IL21R: variants seen among roughly 807,000 people sequenced by gnomAD.
The protein encoded by IL21R is interleukin-21 receptor.
Under a neutral mutation model 41.3 loss-of-function variants are expected in IL21R, and 14 were observed. The observed-to-expected ratio is 0.34, with a 90% confidence interval of 0.22 to 0.53. The LOEUF (loss-of-function observed/expected upper bound fraction) is 0.53, where lower values mean the gene tolerates loss of function less well. Among genes scored for constraint, IL21R ranks in the 20% least tolerant of loss-of-function variants. IL21R has a pLI of 0.94. For synonymous variants in IL21R, 286 were observed against 287.6 expected, an observed-to-expected ratio of 0.99 and a Z score of 0.05; for missense variants, 588 against 681.6, an observed-to-expected ratio of 0.86 and a Z score of 1.53.
intron 4 of IL21R, among the ~76,000 whole-genome samples, chr16:27,441,439 G>A (rs1012937481): frequency 5.9e-5 from 9 of 152,234 alleles, no homozygotes; most frequent in African/African-American, 1.9e-4. Context: ...TCAGAGCTCG[G>A]CTCTTGCACT....
intron 1 of IL21R, among the ~76,000 whole-genome samples, chr16:27,405,238 G>A (rs1283442702): frequency 6.6e-6 from 1 of 151,978 alleles, no homozygotes. Flanking sequence ...TCACCATGTT[G>A]GCCAGGCTGG....
intron 1 of IL21R, among the ~76,000 whole-genome samples, chr16:27,426,325 T>C (rs992804166): frequency 1.2e-4 from 18 of 152,244 alleles, no homozygotes; most frequent in Non-Finnish European, 2.5e-4. Flanking sequence ...TTTTGAGACA[T>C]GTTTATTGGA....
intron 1 of IL21R, among the ~76,000 whole-genome samples, chr16:27,403,454 G>A (rs528673148): frequency 6.6e-6 from 1 of 152,180 alleles, no homozygotes; most frequent in African/African-American, 2.4e-5. Context: ...GTGATTCCCT[G>A]GGGGGAGAGT....
Position 27,450,256 on chromosome 16 carries a change from G to C in IL21R, c.*973G>C, listed in dbSNP as rs996300086. ...ACCAAGATTTCTTTTTCTAACTTCT[G>C]CTACTAAGTTTTTAAAAATTCCCTT... On this transcript the variant is annotated 3_prime_UTR_variant, in exon 9 of 9. Coordinates refer to ENST00000337929, the MANE Select transcript of IL21R (RefSeq NM_181078.3). The C allele has an allele frequency of 2.6e-5, 6 of 232,484 alleles. No homozygotes were observed. Among genetic ancestry groups the C allele is most frequent in the Admixed American group, 1.1e-4 (2 of 17,756 alleles). 14.4% of individuals were successfully genotyped at this position (232,484 alleles called of 1,614,324 possible). A position where few individuals can be genotyped will look rare whatever the true frequency, so the allele number is the denominator to read the frequency against.
intron 1 of IL21R, among the ~76,000 whole-genome samples, chr16:27,422,613 G>C (rs1173676350): frequency 6.6e-6 from 1 of 152,040 alleles, no homozygotes; most frequent in East Asian, 1.9e-4. Flanking sequence ...ATATTTTTCA[G>C]TTCCAGGATT....
intron 4 of IL21R, among the ~76,000 whole-genome samples, chr16:27,439,715 C>T (rs1313278947): frequency 1.3e-5 from 2 of 152,164 alleles, no homozygotes; most frequent in Admixed American, 6.5e-5. Flanking sequence ...TGTCTTGCAG[C>T]GTGAATCCAA....
At chr16:27,431,456 G>A (rs1462212284) in intron 2 of IL21R, among the ~76,000 whole-genome samples, 1 of 152,172 alleles carries the variant, frequency 6.6e-6, no homozygotes, top group East Asian at 1.9e-4. Flanking sequence ...CAGGTGCATG[G>A]CCACACTACC....
At chr16:27,408,608 TAGG>T (rs1277986944) in intron 1 of IL21R, among the ~76,000 whole-genome samples, 1 of 152,158 alleles carries the variant, frequency 6.6e-6, no homozygotes, top group Non-Finnish European at 1.5e-5. Flanking sequence ...TGGATAACTT[TAGG>T]AGTTCTTTCT....
chr16:27,435,416 C>T (rs146059391), intron 3 of IL21R, among the ~76,000 whole-genome samples: 77 of 152,152 alleles, frequency 5.1e-4, no homozygotes, highest in African/African-American at 1.8e-3. Flanking sequence ...ACAAAACAAC[C>T]AACAAGGTGC....
At position 27,449,072 on chromosome 16, in the gene IL21R, C is replaced by T. The variant is rs1462517832; in HGVS notation, c.1406C>T (p.Ser469Leu). Residue 469 changes from serine to leucine, a missense_variant, in exon 9 of 9, where the codon TCA becomes TTA. By Grantham distance (145) the Ser-to-Leu change is moderately radical. Coordinates refer to ENST00000337929, the MANE Select transcript of IL21R (RefSeq NM_181078.3). ...GGGGGACTGCCCTGGGGTGGCCGGT[C>T]ACCTGGAGGGGTCTCAGAGAGTGAG... ...WAGGLPWGGR[S>L]PGGVSESEAG... 1.9e-6 allele frequency: 3 copies of T among 1,613,028 alleles called. No homozygotes were observed. Among genetic ancestry groups the T allele is most frequent in the South Asian group, 1.1e-5 (1 of 91,050 alleles).
chr16:27,413,286 T>A (rs1242734815), intron 1 of IL21R, among the ~76,000 whole-genome samples: 1 of 152,170 alleles, frequency 6.6e-6, no homozygotes, highest in Admixed American at 6.5e-5. Context: ...TTTGTAACTA[T>A]CCTTGAATTC....
chr16:27,414,361 G>A (rs2086866011), intron 1 of IL21R, among the ~76,000 whole-genome samples: 1 of 152,064 alleles, frequency 6.6e-6, no homozygotes, highest in Non-Finnish European at 1.5e-5. Flanking sequence ...GTTTCTAAAT[G>A]TCATACTAAC....
At chr16:27,409,726 T>C (rs1272234646) in intron 1 of IL21R, among the ~76,000 whole-genome samples, 2 of 152,244 alleles carry the variant, frequency 1.3e-5, no homozygotes, top group East Asian at 1.9e-4. Flanking sequence ...TAGTTTGTTT[T>C]TCCTTGCAAC....
intron 4 of IL21R, among the ~76,000 whole-genome samples, chr16:27,441,404 G>A (rs1473725487): frequency 1.3e-5 from 2 of 152,196 alleles, no homozygotes; most frequent in East Asian, 1.9e-4. Flanking sequence ...CCTGGAGGCC[G>A]CCCATGAAAG....
intron 1 of IL21R, among the ~76,000 whole-genome samples, chr16:27,409,064 G>T (rs994075150): frequency 7.9e-5 from 12 of 151,886 alleles, no homozygotes; most frequent in African/African-American, 2.7e-4. Flanking sequence ...CAAAGTGGTT[G>T]TGTCGATTTA....
intron 1 of IL21R, among the ~76,000 whole-genome samples, chr16:27,416,909 A>C (rs2141266620): frequency 6.6e-6 from 1 of 152,272 alleles, no homozygotes; most frequent in Admixed American, 6.5e-5. Flanking sequence ...TTACTTTAGC[A>C]TGAATTTTTA....
intron 8 of IL21R, 94 bp from the exon 9 acceptor site, chr16:27,448,440 G>C: frequency 7.5e-7 from 1 of 1,328,776 alleles, no homozygotes. Context: ...GGGCAGCAGA[G>C]CCAGACTGTC....
chr16:27,412,633 T>C (rs2086839043), intron 1 of IL21R, among the ~76,000 whole-genome samples: 1 of 152,176 alleles, frequency 6.6e-6, no homozygotes, highest in Non-Finnish European at 1.5e-5. Flanking sequence ...ATGGGATGTC[T>C]TTTCACTTAT....
At chr16:27,416,596 GA>G (rs974751823) in intron 1 of IL21R, among the ~76,000 whole-genome samples, 3 of 151,732 alleles carry the variant, frequency 2.0e-5, no homozygotes, top group East Asian at 1.9e-4. Context: ...ATTTTTGTCT[GA>G]AAAAAAATCC....
Sources: allele counts gnomAD v4.1 joint callset (sites outside exome capture counted in the v4.1 genomes callset), GRCh38; gene constraint gnomAD v4.1.1; transcripts MANE v1.5; gene names NCBI Gene and HGNC (gene_info 2026-07-23, HGNC 2026-07-21).